The following ENPP3 variants were observed in gnomAD, a reference collection of about 807,000 sequenced individuals.
The protein encoded by ENPP3 is ectonucleotide pyrophosphatase/phosphodiesterase family member 3.
Under a neutral mutation model 117.8 loss-of-function variants are expected in ENPP3, and 104 were observed. That is an observed-to-expected ratio of 0.88 (90% CI 0.75 to 1.04). The LOEUF (loss-of-function observed/expected upper bound fraction) is 1.04, where lower values mean the gene tolerates loss of function less well. ENPP3 is among the 50% of genes least tolerant of loss of function. The pLI, the probability that ENPP3 is intolerant of heterozygous loss-of-function variation, is 0.00. For missense variants in ENPP3, 1,026 were observed against 1,051.9 expected, an observed-to-expected ratio of 0.98 and a Z score of 0.34; for synonymous variants, 380 against 349.9, an observed-to-expected ratio of 1.09 and a Z score of -0.96.
At chr6:131,741,013 A>G (rs1053339796) in intron 24 of ENPP3, among the ~76,000 whole-genome samples, 1 of 152,048 alleles carries the variant, frequency 6.6e-6, no homozygotes, top group South Asian at 2.1e-4. Context: ...AACTTGAACC[A>G]TGAGGTGTGA....
chr6:131,650,254 C>A, intron 3 of ENPP3, 105 bp downstream of exon 3: 1 of 1,265,788 alleles, frequency 7.9e-7, no homozygotes, highest in Non-Finnish European at 1.1e-6. Flanking sequence ...GAGTGTCACT[C>A]TGTTGCCTAG....
chr6:131,675,703 G>C (rs1026231153), intron 9 of ENPP3, among the ~76,000 whole-genome samples: 2 of 151,998 alleles, frequency 1.3e-5, no homozygotes, highest in African/African-American at 2.4e-5. Flanking sequence ...GCATGGTGGC[G>C]CATTACCTCT....
At chr6:131,644,062 T>C (rs1163347594) in intron 2 of ENPP3, among the ~76,000 whole-genome samples, 1 of 151,840 alleles carries the variant, frequency 6.6e-6, no homozygotes, top group Non-Finnish European at 1.5e-5. Flanking sequence ...GACTATCAAG[T>C]GCAAAGGCCA....
chr6:131,746,625 GTTTTC>G (rs1251434433), intron 24 of ENPP3, among the ~76,000 whole-genome samples, 156 bp from the exon 25 acceptor site: 1 of 151,950 alleles, frequency 6.6e-6, no homozygotes, highest in Non-Finnish European at 1.5e-5. Flanking sequence ...TTGTACTTGT[GTTTTC>G]TTTTTATTTT....
At chr6:131,742,249 C>G (rs888269463) in intron 24 of ENPP3, among the ~76,000 whole-genome samples, 1 of 152,106 alleles carries the variant, frequency 6.6e-6, no homozygotes, top group Non-Finnish European at 1.5e-5. Flanking sequence ...TTGGTTGAGA[C>G]AAGGGTAAGC....
chr6:131,738,001 AT>A, intron 22 of ENPP3, 29 bp from the exon 23 acceptor site: 2 of 1,515,934 alleles, frequency 1.3e-6, no homozygotes, highest in Non-Finnish European at 1.8e-6. Flanking sequence ...TGAAGTGGAC[AT>A]TTTAAACACT....
rs766157814 is a variant in ENPP3 at position 131,722,394 on chromosome 6, C to A, written c.1735C>A (p.His579Asn). 6.2e-7 allele frequency: 1 copy of A among 1,612,902 alleles called. No homozygotes were observed. Among genetic ancestry groups the A allele is most frequent in the South Asian group, 1.1e-5 (1 of 90,776 alleles). The change falls in exon 18 of 25, where the codon CAC (histidine) becomes AAC (asparagine). Residue 579 changes from histidine to asparagine, a missense_variant. Physicochemically the swap from His to Asn is moderately conservative, Grantham distance 68 (BLOSUM62 1). Coordinates refer to ENST00000357639, the MANE Select transcript of ENPP3 (RefSeq NM_005021.5). The part of the protein sequence containing the change: ...PTESLDCFCP[H>N]LQNSTQLEQV... ...AGAGTCTCTTGACTGTTTCTGCCCT[C>A]ACCTACAAAATGTAAGTAACAACTT...
chr6:131,667,945 C>A (rs1778652054), intron 6 of ENPP3, among the ~76,000 whole-genome samples: 2 of 152,100 alleles, frequency 1.3e-5, no homozygotes, highest in Non-Finnish European at 2.9e-5. Flanking sequence ...GACTGAAGCC[C>A]CTGCAGAGCT....
intron 18 of ENPP3, 68 bp downstream of exon 18, chr6:131,722,473 C>A: frequency 1.5e-6 from 2 of 1,298,272 alleles, no homozygotes; most frequent in Non-Finnish European, 2.2e-6. Flanking sequence ...GGGTAGCTGA[C>A]AACTGGGGTA....
intron 15 of ENPP3, chr6:131,709,316 G>A (rs1779721788): frequency 8.0e-7 from 1 of 1,255,956 alleles, no homozygotes; most frequent in Non-Finnish European, 1.1e-6. Flanking sequence ...TGATGGTCCA[G>A]GGGATTCCCT....
chr6:131,679,509 CT>C (rs57631097), intron 11 of ENPP3, among the ~76,000 whole-genome samples: 9,493 of 132,182 alleles, frequency 0.072, 884 homozygotes, highest in African/African-American at 0.23. Flanking sequence ...GTACCATGTC[CT>C]TTTTTTTTTT....
chr6:131,697,921 C>A (rs541319181), intron 15 of ENPP3, among the ~76,000 whole-genome samples: 113 of 152,184 alleles, frequency 7.4e-4, no homozygotes, highest in African/African-American at 2.4e-3. Context: ...CAAGGGAGCC[C>A]ATGAAGCCAT....
At chr6:131,693,703 T>C in intron 15 of ENPP3, 79 bp downstream of exon 15, 7 of 1,370,952 alleles carry the variant, frequency 5.1e-6, no homozygotes, top group African/African-American at 1.5e-5. Flanking sequence ...CTTACCCTGC[T>C]ATTATCATCA....
At chr6:131,706,997 G>A (rs1397614544) in intron 15 of ENPP3, among the ~76,000 whole-genome samples, 3 of 151,784 alleles carry the variant, frequency 2.0e-5, no homozygotes, top group Non-Finnish European at 4.4e-5. Context: ...TTCTGGAAAA[G>A]ATTGTGTAGA....
intron 15 of ENPP3, among the ~76,000 whole-genome samples, chr6:131,694,540 G>A (rs1039837072): frequency 2.0e-5 from 3 of 152,118 alleles, no homozygotes; most frequent in Non-Finnish European, 4.4e-5. Flanking sequence ...AATGACAATG[G>A]CAATACAGTG....
At chr6:131,690,396 C>T (rs1171831451) in intron 14 of ENPP3, among the ~76,000 whole-genome samples, 1 of 152,156 alleles carries the variant, frequency 6.6e-6, no homozygotes, top group East Asian at 1.9e-4. Context: ...GCAAGGCCCT[C>T]TACGATCAAA....
rs1443986706 is a variant in ENPP3, at chr6:131,726,205, G to C, written c.1953+5G>C. The stretch of plus-strand genomic sequence containing the variant: ...TCATACACAGTCCCCCAGTTGGTAA[G>C]TTCCTGAGTCCATTGATCCATGCAG... On this transcript the variant is annotated splice_donor_5th_base_variant and intron_variant, in intron 20 of 24. Transcript: ENST00000357639. 6.2e-7 allele frequency: 1 copy of C among 1,612,384 alleles called. No individual in the cohort carries two copies. The highest frequency in any genetic ancestry group is 1.7e-5 in the Admixed American group (1 of 59,792).
rs758739879 is a variant in ENPP3, at chr6:131,722,338, C to G, written c.1679C>G (p.Ser560Cys). Residue 560 changes from serine (S) to cysteine (C), a missense_variant, in exon 18 of 25, where the codon TCT (serine) becomes TGT (cysteine). Physicochemically the swap from Ser to Cys is moderately radical, Grantham distance 112 (BLOSUM62 -1). Coordinates refer to ENST00000357639, the MANE Select transcript of ENPP3 (RefSeq NM_005021.5). Reference sequence around the variant, plus strand: ...CATGCAGAGGAGGTGTCAAAGTTTTCTGTTTGTGGCTTTGCTAATCCATTG... The same window carrying G: ...CATGCAGAGGAGGTGTCAAAGTTTTGTGTTTGTGGCTTTGCTAATCCATTG... ...PSHAEEVSKF[S>C]VCGFANPLPT... 3.1e-6 allele frequency: 5 copies of G among 1,613,930 alleles called. No individual in the cohort carries two copies. Among genetic ancestry groups the G allele is most frequent in the African/African-American group, 1.3e-5 (1 of 74,916 alleles).
intron 1 of ENPP3, among the ~76,000 whole-genome samples, chr6:131,638,084 G>C (rs946117466): frequency 1.3e-5 from 2 of 151,338 alleles, no homozygotes. Flanking sequence ...TTGGGGTAAA[G>C]AGGGCTCATT....
Sources: allele counts gnomAD v4.1 joint callset (sites outside exome capture counted in the v4.1 genomes callset), GRCh38; gene constraint gnomAD v4.1.1; transcripts MANE v1.5; gene names NCBI Gene and HGNC (gene_info 2026-07-23, HGNC 2026-07-21).